Variants in LARP4 observed in about 807,000 individuals in gnomAD.
The protein encoded by LARP4 is La ribonucleoprotein 4.
In LARP4, 29 loss-of-function variants were observed where a neutral mutation model predicts 92.9. The ratio of observed to expected loss-of-function variants is 0.31; its 90% CI spans 0.23 to 0.43. The LOEUF (loss-of-function observed/expected upper bound fraction) is 0.43. LARP4 is among the 20% of genes least tolerant of loss of function. The pLI is 1.00. For synonymous variants in LARP4, 279 were observed against 284.1 expected (o/e 0.98, Z 0.18); for missense variants, 732 against 860.0 (o/e 0.85, Z 1.86).
intron 8 of LARP4, among the ~76,000 whole-genome samples, chr12:50,444,431 T>A (rs1432149659): frequency 6.6e-6 from 1 of 152,194 alleles, no homozygotes; most frequent in Non-Finnish European, 1.5e-5. Flanking sequence ...ATGCTTCTTT[T>A]GATGAGCCAT....
intron 1 of LARP4, among the ~76,000 whole-genome samples, chr12:50,417,380 A>G (rs1018408132): frequency 2.6e-5 from 4 of 152,034 alleles, no homozygotes; most frequent in Non-Finnish European, 5.9e-5. Flanking sequence ...GTCTCAAAAA[A>G]AAAAAAGAAA....
intron 12 of LARP4, among the ~76,000 whole-genome samples, chr12:50,464,651 C>G (rs1033183849): frequency 1.3e-4 from 20 of 151,784 alleles, no homozygotes; most frequent in Admixed American, 3.3e-4. Flanking sequence ...CCTTGGCCTC[C>G]CAGAGTGCTG....
intron 3 of LARP4, among the ~76,000 whole-genome samples, chr12:50,430,191 CT>C (rs1949439194): frequency 6.6e-6 from 1 of 151,954 alleles, no homozygotes; most frequent in Non-Finnish European, 1.5e-5. Flanking sequence ...GAGCCTGTCT[CT>C]ACAAAAAAAT....
intron 8 of LARP4, among the ~76,000 whole-genome samples, chr12:50,443,117 A>C (rs575236865): frequency 6.6e-6 from 1 of 152,038 alleles, no homozygotes. Flanking sequence ...ATCTAGTTCT[A>C]TTTTTCCCCA....
At chr12:50,447,129 T>C (rs1258866106) in intron 8 of LARP4, among the ~76,000 whole-genome samples, 6 of 152,218 alleles carry the variant, frequency 3.9e-5, no homozygotes, top group African/African-American at 1.4e-4. Context: ...AAATTTGAAT[T>C]GCTCCAAAAT....
chr12:50,452,115 A>G (rs1042448266), intron 8 of LARP4, among the ~76,000 whole-genome samples: 11 of 152,248 alleles, frequency 7.2e-5, no homozygotes, highest in Admixed American at 2.0e-4. Flanking sequence ...GTTAGCCACT[A>G]TAAGTAATGC....
chr12:50,448,496 ATAAAT>A (rs374438037), intron 8 of LARP4, among the ~76,000 whole-genome samples: 13 of 152,174 alleles, frequency 8.5e-5, no homozygotes, highest in African/African-American at 2.7e-4. Context: ...TCATCCATAA[ATAAAT>A]TAAGATTTGT....
rs1229045369 is a variant in LARP4, at chr12:50,479,022, AG to A, written c.*3160del. 3 of 152,694 alleles carry A rather than the reference AG, an allele frequency of 2.0e-5. No individual in the cohort carries two copies. In the East Asian group the frequency reaches 5.8e-4, roughly 29 times the overall value. 9.5% of individuals were successfully genotyped at this position (152,694 alleles called of 1,614,324 possible). On this transcript the variant is annotated 3_prime_UTR_variant, in exon 16 of 16. Transcript: ENST00000398473. ...ATTCCTTTTTCTTTTTTAAATAAAC[AG>A]GTTTGCTTTGGAAAGGCTTAATGAT... is the stretch of plus-strand genomic sequence containing the variant.
In LARP4 at chr12:50,475,663, G is replaced by A; in HGVS notation, c.1974G>A (p.Glu658=). Residue 658 remains glutamate (E), a synonymous_variant, in exon 16 of 16, where the codon GAG becomes GAA. Coordinates refer to ENST00000398473, the MANE Select transcript of LARP4 (RefSeq NM_052879.5). ...PTKNEDNGAP[E]NSVEKPHEKP... ...AAAATGAAGACAATGGAGCTCCTGA[G>A]AACTCCGTTGAGAAACCACATGAGA... 1 of 1,614,114 alleles carries A rather than the reference G, an allele frequency of 6.2e-7. No homozygotes were observed.
In LARP4 at chr12:50,478,633, C is replaced by T. The variant is rs1433449099; in HGVS notation, c.*2769C>T. ...ATATTGAATGTTGGGTATAGTGATA[C>T]TCTGCCATAGTTCTTACTGCATGAA... is the stretch of plus-strand genomic sequence containing the variant. On this transcript the variant is annotated 3_prime_UTR_variant, in exon 16 of 16. Coordinates refer to ENST00000398473, the MANE Select transcript of LARP4 (RefSeq NM_052879.5). The T allele has an allele frequency of 2.0e-5, 3 of 152,092 alleles. No individual in the cohort carries two copies. The highest frequency in any genetic ancestry group is 4.4e-5 in the Non-Finnish European group (3 of 67,990). 9.4% of individuals were successfully genotyped at this position (152,092 alleles called of 1,614,324 possible). A position where few individuals can be genotyped will look rare whatever the true frequency, so the allele number is the denominator to read the frequency against.
intron 8 of LARP4, 85 bp downstream of exon 8, chr12:50,441,728 A>T: frequency 9.1e-7 from 1 of 1,101,900 alleles, no homozygotes; most frequent in African/African-American, 1.6e-5. Flanking sequence ...ATAATATTTT[A>T]TAAAAACCCA....
At chr12:50,406,510 A>AT (rs1297601490) in intron 1 of LARP4, among the ~76,000 whole-genome samples, 1 of 151,866 alleles carries the variant, frequency 6.6e-6, no homozygotes, top group Non-Finnish European at 1.5e-5. Context: ...TTATTTTATT[A>AT]TTTTTTAAGA....
chr12:50,434,905 G>A (rs998097190), intron 4 of LARP4, among the ~76,000 whole-genome samples: 5 of 152,068 alleles, frequency 3.3e-5, no homozygotes, highest in South Asian at 2.1e-4. Context: ...AAAATTAGCC[G>A]AGCGTGATGG....
In LARP4 at chr12:50,475,936, T is replaced by G. The variant is rs1957502623; in HGVS notation, c.*72T>G. The G allele has an allele frequency of 1.5e-6, 2 of 1,309,958 alleles. No homozygotes were observed. Among genetic ancestry groups the G allele is most frequent in the South Asian group, 2.8e-5 (2 of 72,158 alleles). 81.1% of individuals were successfully genotyped at this position (1,309,958 alleles called of 1,614,324 possible). A position where few individuals can be genotyped will look rare whatever the true frequency, so the allele number is the denominator to read the frequency against. ...TGAACTGTGGCTATATTGAACTGTT[T>G]TGGAGGGGAGGGGGTAGCCAGGAAG... On this transcript the variant is annotated 3_prime_UTR_variant, in exon 16 of 16. Transcript: ENST00000398473.
intron 6 of LARP4, among the ~76,000 whole-genome samples, chr12:50,438,681 A>G (rs758232263): frequency 6.6e-6 from 1 of 152,206 alleles, no homozygotes; most frequent in Non-Finnish European, 1.5e-5. Flanking sequence ...TTTAAAGCCA[A>G]AGGTTTTATT....
At chr12:50,461,880 C>T (rs1015155512) in intron 11 of LARP4, among the ~76,000 whole-genome samples, 1 of 152,010 alleles carries the variant, frequency 6.6e-6, no homozygotes, top group African/African-American at 2.4e-5. Context: ...ATCACTTGAA[C>T]CCAGGAGGCA....
At position 50,461,174 on chromosome 12, in the gene LARP4, C is replaced by G. The variant is rs1352583954; in HGVS notation, c.1161C>G (p.His387Gln). 3 of 1,614,046 alleles carry G rather than the reference C, an allele frequency of 1.9e-6. No individual in the cohort carries two copies. The highest frequency in any genetic ancestry group is 2.5e-6 in the Non-Finnish European group (3 of 1,179,972). Residue 387 changes from histidine (H) to glutamine (Q), a missense_variant, in exon 11 of 16, where the codon CAC becomes CAG. Physicochemically the swap from His to Gln is conservative, Grantham distance 24. Coordinates refer to ENST00000398473, the MANE Select transcript of LARP4 (RefSeq NM_052879.5). Reference protein sequence around the residue: ...PQFRSSGGSEHSTEGSVSLGD... With the variant: ...PQFRSSGGSEQSTEGSVSLGD... Reference sequence around the variant, plus strand: ...TTAGGTCATCTGGTGGTTCAGAACACTCAACAGAGGGCTCTGTATCCTTGG... The same window carrying G: ...TTAGGTCATCTGGTGGTTCAGAACAGTCAACAGAGGGCTCTGTATCCTTGG...
intron 6 of LARP4, among the ~76,000 whole-genome samples, chr12:50,439,560 G>A (rs1950906244): frequency 6.6e-6 from 1 of 151,972 alleles, no homozygotes; most frequent in Non-Finnish European, 1.5e-5. Context: ...CAGCCACCAT[G>A]CCCAGCCAAT....
intron 1 of LARP4, among the ~76,000 whole-genome samples, chr12:50,422,002 C>T (rs1337438451): frequency 1.4e-5 from 2 of 147,258 alleles, no homozygotes; most frequent in African/African-American, 5.0e-5. Context: ...TGGAGTCTTG[C>T]TTTGTCACCC....
Sources: allele counts gnomAD v4.1 joint callset (sites outside exome capture counted in the v4.1 genomes callset), GRCh38; gene constraint gnomAD v4.1.1; transcripts MANE v1.5; gene names NCBI Gene and HGNC (gene_info 2026-07-23, HGNC 2026-07-21).